The following SYT2 variants were observed in gnomAD, a reference collection of about 807,000 sequenced individuals.
SYT2 encodes the protein synaptotagmin-2.
In SYT2, 15 loss-of-function variants were observed where a neutral mutation model predicts 39.9. The ratio of observed to expected loss-of-function variants is 0.38; its 90% confidence interval spans 0.25 to 0.58. The LOEUF (loss-of-function observed/expected upper bound fraction) is 0.58, where lower values mean the gene tolerates loss of function less well. Ranked by LOEUF, SYT2 falls within the 20% of genes least tolerant of loss-of-function variation. SYT2 has a pLI of 0.70. For synonymous variants in SYT2, 181 were observed against 204.5 expected, an observed-to-expected ratio of 0.89 and a Z score of 0.98; for missense variants, 389 against 530.3, an observed-to-expected ratio of 0.73 and a Z score of 2.62.
intron 1 of SYT2, among the ~76,000 whole-genome samples, chr1:202,665,540 T>G (rs567991039): frequency 9.8e-5 from 15 of 152,334 alleles, no homozygotes; most frequent in Non-Finnish European, 1.9e-4. Flanking sequence ...TCAGATAGTC[T>G]ATAGCTGGGA....
At chr1:202,695,599 T>C (rs933207284) in intron 1 of SYT2, among the ~76,000 whole-genome samples, 1 of 152,226 alleles carries the variant, frequency 6.6e-6, no homozygotes, top group Non-Finnish European at 1.5e-5. Context: ...CAAGTGTCAT[T>C]GAGAGATGTG....
At chr1:202,672,552 T>G (rs1440742290) in intron 1 of SYT2, among the ~76,000 whole-genome samples, 1 of 151,382 alleles carries the variant, frequency 6.6e-6, no homozygotes, top group Non-Finnish European at 1.5e-5. Flanking sequence ...GATTGTATGT[T>G]ATTGTATTTA....
rs1019939704 is a variant in SYT2, at chr1:202,602,933, C to A, written c.465+66G>T. ...CATCTCTGAGGGAGCTGTTTCTATC[C>A]CCCTTCCACCCAACTCCCAGGCCTC... On this transcript the variant is annotated intron_variant, in intron 4 of 8. Coordinates refer to ENST00000367268, the MANE Select transcript of SYT2 (RefSeq NM_177402.5). The A allele has an allele frequency of 9.5e-6, 15 of 1,571,170 alleles. No individual in the cohort carries two copies. In the African/African-American group the frequency reaches 1.8e-4, roughly 19 times the overall value.
intron 1 of SYT2, chr1:202,630,351 T>C (rs1457646446): frequency 1.5e-5 from 15 of 984,814 alleles, no homozygotes; most frequent in African/African-American, 5.2e-5. Context: ...CAGACCCCAA[T>C]AGAGCGCCGT....
At chr1:202,616,768 C>G (rs532822469) in intron 1 of SYT2, among the ~76,000 whole-genome samples, 1 of 152,334 alleles carries the variant, frequency 6.6e-6, no homozygotes, top group South Asian at 2.1e-4. Context: ...CTCAGGCTTG[C>G]ACTTGAGGTC....
rs1360916537 is a variant in SYT2 at position 202,623,826 on chromosome 1, A to G, written c.-17-18037T>C. Reference sequence around the variant, plus strand: ...GCTGGGGGAGCGCTCACCAGGGGAAAGGGGAGCTCTCTGTGGCTTAGCAGT... The same window carrying G: ...GCTGGGGGAGCGCTCACCAGGGGAAGGGGGAGCTCTCTGTGGCTTAGCAGT... On this transcript the variant is annotated intron_variant, in intron 1 of 8. Coordinates refer to ENST00000367268, the MANE Select transcript of SYT2 (RefSeq NM_177402.5). The surrounding 1 kb of genome is among the most constrained non-coding windows in gnomAD (Gnocchi z 4.2). 6.6e-6 allele frequency among the ~76,000 whole-genome samples: 1 copy of G among 152,166 alleles called. No individual in the cohort carries two copies. The highest frequency in any genetic ancestry group is 1.5e-5 in the Non-Finnish European group (1 of 68,014).
At chr1:202,650,495 G>GC (rs1330428660) in intron 1 of SYT2, among the ~76,000 whole-genome samples, 3 of 150,996 alleles carry the variant, frequency 2.0e-5, no homozygotes, top group Non-Finnish European at 4.4e-5. Flanking sequence ...GAGTGCAATG[G>GC]CACAATCTCA....
intron 1 of SYT2, among the ~76,000 whole-genome samples, chr1:202,697,661 C>T (rs1341180192): frequency 6.6e-6 from 1 of 152,238 alleles, no homozygotes; most frequent in East Asian, 1.9e-4. Flanking sequence ...TCTCGATCTG[C>T]TTTAGGTGTC....
At chr1:202,660,918 A>G (rs1397013165) in intron 1 of SYT2, among the ~76,000 whole-genome samples, 8 of 152,148 alleles carry the variant, frequency 5.3e-5, no homozygotes, top group South Asian at 2.1e-4. Flanking sequence ...CCTTCCTTCT[A>G]TCCGGACTTA....
chr1:202,625,103 TGTGGTGTGTGTG>T (rs1691346140), intron 1 of SYT2, among the ~76,000 whole-genome samples: 1 of 1,328 alleles, frequency 7.5e-4, no homozygotes, highest in Non-Finnish European at 2.2e-3. Context: ...GTGGTATGTG[TGTGGTGTGTGTG>T]GTATGTGTGT....
intron 1 of SYT2, among the ~76,000 whole-genome samples, chr1:202,662,233 C>A (rs991015308): frequency 6.6e-6 from 1 of 152,222 alleles, no homozygotes; most frequent in South Asian, 2.1e-4. Flanking sequence ...ATAGTGTATG[C>A]GAGTTGGCGG....
chr1:202,622,968 G>A (rs1366433756), intron 1 of SYT2, among the ~76,000 whole-genome samples: 1 of 152,158 alleles, frequency 6.6e-6, no homozygotes, highest in Non-Finnish European at 1.5e-5. Context: ...AAACAACACC[G>A]CTAAATGGTG....
Position 202,596,002 on chromosome 1 carries a change from C to T in SYT2, c.*755G>A, listed in dbSNP as rs1392609194. 2 of 152,126 alleles carry T rather than the reference C, an allele frequency of 1.3e-5. No individual in the cohort carries two copies. The highest frequency in any genetic ancestry group is 2.9e-5 in the Non-Finnish European group (2 of 68,044). The allele number at this position is 152,126 out of a possible 1,614,324, so 9.4% of individuals were successfully genotyped here. Reference sequence around the variant, plus strand: ...TTGATGGCATCGTTTGGTCCTAGTTCTGAACACATCCAGTCTTCACATCTT... The same window carrying T: ...TTGATGGCATCGTTTGGTCCTAGTTTTGAACACATCCAGTCTTCACATCTT... On this transcript the variant is annotated 3_prime_UTR_variant, in exon 9 of 9. Coordinates refer to ENST00000367268, the MANE Select transcript of SYT2 (RefSeq NM_177402.5).
chr1:202,682,214 G>A (rs1653543887), intron 1 of SYT2, among the ~76,000 whole-genome samples: 1 of 152,190 alleles, frequency 6.6e-6, no homozygotes, highest in African/African-American at 2.4e-5. Flanking sequence ...GTATTCAAGG[G>A]AGCACGTTGG....
chr1:202,654,500 A>T (rs2149103355), intron 1 of SYT2, among the ~76,000 whole-genome samples: 1 of 152,256 alleles, frequency 6.6e-6, no homozygotes, highest in East Asian at 1.9e-4. Flanking sequence ...TCCATTCAAC[A>T]ATCTTTTGTT....
intron 1 of SYT2, among the ~76,000 whole-genome samples, chr1:202,617,690 T>A (rs543495823): frequency 6.6e-6 from 1 of 152,198 alleles, no homozygotes; most frequent in East Asian, 1.9e-4. Context: ...TACCCCCGCA[T>A]CAAGGCCTCA....
rs1558419507 is a variant in SYT2 at position 202,596,310 on chromosome 1, C to CACACAT, written c.*446_*447insATGTGT. The CACACAT allele has an allele frequency of 1.3e-5, 2 of 149,802 alleles. No individual in the cohort carries two copies. The highest frequency in any genetic ancestry group is 4.8e-5 in the African/African-American group (1 of 20,666). 9.3% of individuals were successfully genotyped at this position (149,802 alleles called of 1,614,324 possible). A position where few individuals can be genotyped will look rare whatever the true frequency, so the allele number is the denominator to read the frequency against. ...ACACACACACACACACACACACATA[C>CACACAT]ACACACACACACACACACACACACA... On this transcript the variant is annotated 3_prime_UTR_variant, in exon 9 of 9. Transcript: ENST00000367268.
chr1:202,634,565 C>T (rs1024171865), intron 1 of SYT2, among the ~76,000 whole-genome samples: 1 of 151,940 alleles, frequency 6.6e-6, no homozygotes, highest in Non-Finnish European at 1.5e-5. Context: ...CATATCCTTA[C>T]GAAAACCCTT....
At chr1:202,694,700 CCCT>C (rs1049078395) in intron 1 of SYT2, among the ~76,000 whole-genome samples, 10 of 151,670 alleles carry the variant, frequency 6.6e-5, no homozygotes, top group Non-Finnish European at 1.3e-4. Context: ...CTCGTCCTTT[CCCT>C]CCTCCTTCTC....
Sources: allele counts gnomAD v4.1 joint callset (sites outside exome capture counted in the v4.1 genomes callset), GRCh38; gene constraint gnomAD v4.1.1; non-coding constraint Gnocchi (gnomAD v3.1); transcripts MANE v1.5; gene names NCBI Gene and HGNC (gene_info 2026-07-23, HGNC 2026-07-21).